Variants in NEBL observed in about 807,000 individuals in gnomAD.
NEBL encodes the protein nebulette.
A neutral mutation model predicts 140.2 loss-of-function variants in NEBL; 122 were observed. The ratio of observed to expected loss-of-function variants is 0.87; its 90% confidence interval spans 0.75 to 1.01. The LOEUF is 1.01. Among genes scored for constraint, NEBL ranks in the 50% least tolerant of loss-of-function variants. NEBL has a pLI of 0.00. For synonymous variants in NEBL, 436 were observed against 398.9 expected (o/e 1.09, Z -1.11); for missense variants, 1,365 against 1,231.3 (o/e 1.11, Z -1.62).
In NEBL at chr10:20,785,391, A is replaced by G; in HGVS notation, c.*356T>C. The stretch of plus-strand genomic sequence containing the variant: ...ATTGGCTTGGGGTGATTCCAAAGTG[A>G]CAGCTAAGAAGTTTCAAACACACAC... On this transcript the variant is annotated 3_prime_UTR_variant, in exon 28 of 28. Coordinates refer to ENST00000377122, the MANE Select transcript of NEBL (RefSeq NM_006393.3). 1 of 303,516 alleles carries G rather than the reference A, an allele frequency of 3.3e-6. No individual in the cohort carries two copies. 18.8% of individuals were successfully genotyped at this position (303,516 alleles called of 1,614,324 possible).
intron 3 of NEBL, among the ~76,000 whole-genome samples, chr10:20,966,147 T>C (rs778859535): frequency 2.6e-5 from 4 of 152,240 alleles, no homozygotes; most frequent in African/African-American, 4.8e-5. Flanking sequence ...ATGTCAAATA[T>C]TGAATACTAT....
chr10:20,805,618 G>T (rs532851222), intron 26 of NEBL, among the ~76,000 whole-genome samples: 1 of 152,034 alleles, frequency 6.6e-6, no homozygotes, highest in Non-Finnish European at 1.5e-5. Context: ...TTTGGGAGGC[G>T]GAGGCAAGTG....
Position 20,886,055 on chromosome 10 carries a change from A to G in NEBL, c.369+2042T>C, listed in dbSNP as rs750313394. Among the ~76,000 whole-genome samples, 71 of 152,354 alleles carry G rather than the reference A, an allele frequency of 4.7e-4. 1 individual carries two copies. Among genetic ancestry groups the G allele is most frequent in the Middle Eastern group, 3.4e-3 (1 of 294 alleles). The stretch of plus-strand genomic sequence containing the variant: ...ATGTATTTTCAGACTACTTAAAAAT[A>G]GCTAATGCATGCTGGGCTTAATACC... On this transcript the variant is annotated intron_variant, in intron 4 of 27. Coordinates refer to ENST00000377122, the MANE Select transcript of NEBL (RefSeq NM_006393.3).
chr10:21,115,096 G>A (rs1838221535), intron 2 of NEBL, among the ~76,000 whole-genome samples: 2 of 151,272 alleles, frequency 1.3e-5, no homozygotes, highest in South Asian at 4.2e-4. Flanking sequence ...ATTAAGTTTT[G>A]TAATAAACGT....
chr10:20,832,290 G>A (rs1410515204), intron 14 of NEBL, among the ~76,000 whole-genome samples: 3 of 152,136 alleles, frequency 2.0e-5, no homozygotes, highest in Non-Finnish European at 4.4e-5. Context: ...AGAGCTGCTG[G>A]AAGCCTCTTT....
At chr10:21,220,359 T>C (rs1842051345) in intron 3 of NEBL, among the ~76,000 whole-genome samples, 1 of 152,172 alleles carries the variant, frequency 6.6e-6, no homozygotes, top group Non-Finnish European at 1.5e-5. Context: ...TTATGATCAA[T>C]TGATCTTTGA....
At chr10:20,941,265 T>C (rs531025911) in intron 4 of NEBL, among the ~76,000 whole-genome samples, 14 of 152,350 alleles carry the variant, frequency 9.2e-5, no homozygotes, top group African/African-American at 2.9e-4. Context: ...ATCCCTGGGA[T>C]GCAAGGCCGG....
chr10:20,817,403 A>G (rs1306244522), intron 21 of NEBL, among the ~76,000 whole-genome samples, 197 bp downstream of exon 21: 2 of 152,162 alleles, frequency 1.3e-5, no homozygotes, highest in African/African-American at 4.8e-5. Context: ...CTGATGAGTC[A>G]CTGGGAACCC....
chr10:21,267,212 G>A (rs1296668070), intron 1 of NEBL, among the ~76,000 whole-genome samples: 2 of 152,110 alleles, frequency 1.3e-5, no homozygotes, highest in African/African-American at 2.4e-5. Flanking sequence ...CTGACCTCAG[G>A]TGATCCGCCC....
At chr10:20,940,434 C>T (rs1209289367) in intron 4 of NEBL, among the ~76,000 whole-genome samples, 2 of 145,228 alleles carry the variant, frequency 1.4e-5, no homozygotes, top group African/African-American at 5.2e-5. Flanking sequence ...ACATCCAAAG[C>T]AGTGTGTAGA....
At chr10:20,941,304 TC>T (rs1384716558) in intron 4 of NEBL, among the ~76,000 whole-genome samples, 1 of 152,150 alleles carries the variant, frequency 6.6e-6, no homozygotes, top group Non-Finnish European at 1.5e-5. Flanking sequence ...ATAAACGTAA[TC>T]CAGCATAAAC....
chr10:20,859,772 T>G lies in NEBL; in HGVS notation c.739A>C (p.Asn247His), dbSNP rs201803330. The change falls in exon 8 of 28, where the codon AAT (asparagine) becomes CAT (histidine). Residue 247 changes from asparagine (N) to histidine (H), a missense_variant. This residue lies in a region of NEBL where 1,323 missense variants were observed against 1,154.8 expected (regional missense o/e 1.15). Transcript: ENST00000377122. ...NEMKDKKHHYNPLESASFRQN... is the reference protein window; with the variant it reads ...NEMKDKKHHYHPLESASFRQN... ...CTAAAAGAAGCACTTTCAAGAGGAT[T>G]GTAATGATGTTTCTTATCCTTCATT... 6.2e-7 allele frequency: 1 copy of G among 1,603,684 alleles called. No homozygotes were observed. The highest frequency in any genetic ancestry group is 2.2e-5 in the East Asian group (1 of 44,658).
intron 2 of NEBL, among the ~76,000 whole-genome samples, chr10:21,055,421 T>C (rs1474798234): frequency 6.6e-6 from 1 of 152,152 alleles, no homozygotes; most frequent in Non-Finnish European, 1.5e-5. Context: ...AAGCCACAGA[T>C]CTTTTAACTT....
intron 7 of NEBL, among the ~76,000 whole-genome samples, chr10:20,865,901 T>G (rs1844232931): frequency 6.6e-6 from 1 of 152,204 alleles, no homozygotes; most frequent in Admixed American, 6.5e-5. Flanking sequence ...ACAGAGTCTA[T>G]TCAGGTACTG....
intron 19 of NEBL, among the ~76,000 whole-genome samples, chr10:20,820,356 A>G (rs940389684): frequency 6.6e-6 from 1 of 152,224 alleles, no homozygotes; most frequent in Non-Finnish European, 1.5e-5. Context: ...GAGCATCAAT[A>G]GAGAAAATCA....
At chr10:20,928,551 A>G (rs959617426) in intron 4 of NEBL, among the ~76,000 whole-genome samples, 5 of 152,210 alleles carry the variant, frequency 3.3e-5, no homozygotes, top group African/African-American at 1.2e-4. Context: ...AGCCCATGAG[A>G]ATACAGAAAG....
chr10:21,193,480 A>G (rs1841606478), intron 3 of NEBL, among the ~76,000 whole-genome samples: 1 of 152,106 alleles, frequency 6.6e-6, no homozygotes, highest in African/African-American at 2.4e-5. Context: ...GGATGATACA[A>G]TCCAAGTTTT....
At chr10:21,128,886 G>A (rs946163009) in intron 2 of NEBL, among the ~76,000 whole-genome samples, 2 of 152,094 alleles carry the variant, frequency 1.3e-5, no homozygotes, top group Non-Finnish European at 2.9e-5. Flanking sequence ...GACATACAGG[G>A]TTTAAGGCTG....
intron 2 of NEBL, among the ~76,000 whole-genome samples, chr10:21,093,733 G>C (rs1837031871): frequency 6.6e-6 from 1 of 152,180 alleles, no homozygotes; most frequent in Admixed American, 6.5e-5. Context: ...CTCATCCACT[G>C]GAAGAGGAGA....
Sources: allele counts gnomAD v4.1 joint callset (sites outside exome capture counted in the v4.1 genomes callset), GRCh38; gene constraint gnomAD v4.1.1; regional missense constraint gnomAD v4.1.1; transcripts MANE v1.5; gene names NCBI Gene and HGNC (gene_info 2026-07-23, HGNC 2026-07-21).